The following ITFG1 variants were observed in gnomAD, a reference collection of about 807,000 sequenced individuals.
ITFG1 encodes the protein T-cell immunomodulatory protein.
ITFG1 carries 34 observed loss-of-function variants against 81.8 expected under a neutral mutation model. The observed-to-expected ratio is 0.42, with a 90% confidence interval of 0.32 to 0.55. The LOEUF is 0.55. ITFG1 is among the 20% of genes least tolerant of loss of function. The pLI, the probability that ITFG1 is intolerant of heterozygous loss-of-function variation, is 0.17. For missense variants in ITFG1, 672 were observed against 755.4 expected, an observed-to-expected ratio of 0.89 and a Z score of 1.29; for synonymous variants, 285 against 270.6, an observed-to-expected ratio of 1.05 and a Z score of -0.52.
rs546458270 is a variant in ITFG1, at chr16:47,451,220, C to T, written c.560+176G>A. Reference sequence around the variant, plus strand: ...AAGAGATAAAAGGAGTAAGCTGGCCCTTGGAAAGCAGGTGCAGGCCAAATC... The same window carrying T: ...AAGAGATAAAAGGAGTAAGCTGGCCTTTGGAAAGCAGGTGCAGGCCAAATC... On this transcript the variant is annotated intron_variant, in intron 5 of 17. Transcript: ENST00000320640. 3.3e-5 allele frequency among the ~76,000 whole-genome samples: 5 copies of T among 152,260 alleles called. No individual in the cohort carries two copies. In the South Asian group the frequency reaches 1.0e-3, roughly 32 times the overall value.
At chr16:47,433,770 A>AAC (rs1969122665) in intron 5 of ITFG1, among the ~76,000 whole-genome samples, 3 of 124,510 alleles carry the variant, frequency 2.4e-5, no homozygotes. Context: ...ATAAAAACTG[A>AAC]ATATATATAT....
intron 1 of ITFG1, 34 bp downstream of exon 1, chr16:47,460,804 C>G: frequency 8.1e-6 from 13 of 1,606,968 alleles, no homozygotes; most frequent in South Asian, 1.1e-5. Context: ...GGCACACGGA[C>G]AGCGAACAGA....
intron 10 of ITFG1, among the ~76,000 whole-genome samples, chr16:47,286,410 T>G (rs958487085): frequency 8.6e-5 from 13 of 151,856 alleles, no homozygotes; most frequent in Non-Finnish European, 1.5e-5. Flanking sequence ...GAGGCCGAGG[T>G]GGGTGGATCA....
At chr16:47,448,232 A>T (rs1969346127) in intron 5 of ITFG1, 1 of 152,210 alleles carries the variant, frequency 6.6e-6, no homozygotes, top group Non-Finnish European at 1.5e-5. Context: ...GTAATGTATC[A>T]GCAAACAAAC....
In ITFG1 at chr16:47,158,730, T is replaced by C. The variant is rs576435847; in HGVS notation, c.1779+143A>G. 8.2e-6 allele frequency: 4 copies of C among 489,908 alleles called. No homozygotes were observed. The South Asian group carries it at 1.4e-4, about 17-fold the overall frequency. 30.3% of individuals were successfully genotyped at this position (489,908 alleles called of 1,614,324 possible). ...ATAAAAGAAATTATCATCAATAAAATGATGCTTTGAACAGAACTTGAAAAA... is the reference window on the plus strand; with the variant it reads ...ATAAAAGAAATTATCATCAATAAAACGATGCTTTGAACAGAACTTGAAAAA... On this transcript the variant is annotated intron_variant, in intron 17 of 17. Coordinates refer to ENST00000320640, the MANE Select transcript of ITFG1 (RefSeq NM_030790.5).
At chr16:47,179,044 T>C (rs1281630439) in intron 14 of ITFG1, among the ~76,000 whole-genome samples, 1 of 152,024 alleles carries the variant, frequency 6.6e-6, no homozygotes, top group Non-Finnish European at 1.5e-5. Flanking sequence ...CTCACACCAG[T>C]TAGAATGGCG....
At chr16:47,315,342 C>A (rs1967336914) in intron 8 of ITFG1, among the ~76,000 whole-genome samples, 1 of 151,738 alleles carries the variant, frequency 6.6e-6, no homozygotes, top group Non-Finnish European at 1.5e-5. Flanking sequence ...TGAGAGCTAG[C>A]CAAGTAAGAA....
chr16:47,161,640 G>A (rs1055292395), intron 16 of ITFG1, 110 bp downstream of exon 16: 2 of 641,866 alleles, frequency 3.1e-6, no homozygotes, highest in African/African-American at 3.6e-5. Context: ...TTAAGGGATG[G>A]GCACTCATGG....
intron 8 of ITFG1, among the ~76,000 whole-genome samples, chr16:47,320,234 ATGT>A (rs1967428164): frequency 6.6e-6 from 1 of 152,340 alleles, no homozygotes; most frequent in African/African-American, 2.4e-5. Flanking sequence ...CTAATGAATA[ATGT>A]TGTTGGTCTT....
intron 8 of ITFG1, among the ~76,000 whole-genome samples, chr16:47,333,554 T>A (rs1036687692): frequency 2.0e-5 from 3 of 152,234 alleles, no homozygotes; most frequent in African/African-American, 7.2e-5. Context: ...ACATTCGTTA[T>A]AAAATTTTTC....
intron 12 of ITFG1, among the ~76,000 whole-genome samples, chr16:47,252,478 T>C (rs1370164953): frequency 6.6e-6 from 1 of 152,220 alleles, no homozygotes; most frequent in Admixed American, 6.5e-5. Context: ...CCAGGTTTGT[T>C]AGAAATGAGT....
At position 47,241,408 on chromosome 16, in the gene ITFG1, A is replaced by G. The variant is rs188874206; in HGVS notation, c.1331-3400T>C. Among the ~76,000 whole-genome samples the G allele has an allele frequency of 4.6e-5, 7 of 152,382 alleles. No homozygotes were observed. In the East Asian group the frequency reaches 1.3e-3, roughly 29 times the overall value. On this transcript the variant is annotated intron_variant, in intron 12 of 17. Coordinates refer to ENST00000320640, the MANE Select transcript of ITFG1 (RefSeq NM_030790.5). ...GTGGAAACCATCCAAATGTCCATCAAATGATGACTGGATAAACAAAATCTG... is the reference window on the plus strand; with the variant it reads ...GTGGAAACCATCCAAATGTCCATCAGATGATGACTGGATAAACAAAATCTG...
chr16:47,254,454 C>T (rs1450568939), intron 12 of ITFG1, among the ~76,000 whole-genome samples: 2 of 152,064 alleles, frequency 1.3e-5, no homozygotes, highest in East Asian at 1.9e-4. Context: ...ACCCTATGCT[C>T]TGATTCCCAT....
intron 5 of ITFG1, among the ~76,000 whole-genome samples, chr16:47,429,546 C>A (rs1040642424): frequency 2.0e-5 from 3 of 152,124 alleles, no homozygotes; most frequent in African/African-American, 7.2e-5. Flanking sequence ...CATTTGTACC[C>A]AGCAATGTAG....
rs1448867911 is a variant in ITFG1, at chr16:47,358,318, G to A, written c.802+7470C>T. ...TGATTATGATGACTTCGAATACATG[G>A]AAACAGAATTGGCACTATGAAAAAA... On this transcript the variant is annotated intron_variant, in intron 8 of 17. Coordinates refer to ENST00000320640, the MANE Select transcript of ITFG1 (RefSeq NM_030790.5). Among the ~76,000 whole-genome samples the A allele has an allele frequency of 3.3e-5, 5 of 152,140 alleles. No homozygotes were observed. The East Asian group carries it at 7.7e-4, about 23-fold the overall frequency.
At chr16:47,264,002 T>C (rs960024866) in intron 10 of ITFG1, among the ~76,000 whole-genome samples, 9 of 152,360 alleles carry the variant, frequency 5.9e-5, no homozygotes, top group Non-Finnish European at 8.8e-5. Context: ...TTAGAAACTA[T>C]TGGCGACAAA....
chr16:47,444,738 T>C (rs1969301026), intron 5 of ITFG1, among the ~76,000 whole-genome samples: 1 of 152,206 alleles, frequency 6.6e-6, no homozygotes. Flanking sequence ...ATCTACGAAT[T>C]TGATGGTCCT....
At chr16:47,221,552 C>G (rs1438830408) in intron 13 of ITFG1, among the ~76,000 whole-genome samples, 5 of 152,062 alleles carry the variant, frequency 3.3e-5, no homozygotes, top group African/African-American at 1.2e-4. Flanking sequence ...CTCTTTTTTG[C>G]TTGTGTCTCT....
chr16:47,252,462 G>A (rs996978876), intron 12 of ITFG1, among the ~76,000 whole-genome samples: 1 of 152,182 alleles, frequency 6.6e-6, no homozygotes, highest in South Asian at 2.1e-4. Context: ...GGGAAACAGG[G>A]TTCATCCAGG....
Sources: gnomAD v4.1 joint callset for allele counts (sites outside exome capture counted in the v4.1 genomes callset) on GRCh38, gnomAD v4.1.1 for gene constraint, MANE v1.5 for transcripts, NCBI Gene and HGNC (gene_info 2026-07-23, HGNC 2026-07-21) for gene names.